KCNT2: variants seen among roughly 807,000 people sequenced by gnomAD.
KCNT2 encodes the protein potassium sodium-activated channel subfamily T member 2, also known as potassium channel subfamily T member 2.
In KCNT2, 67 loss-of-function variants were observed where a neutral mutation model predicts 153.8. The observed-to-expected ratio is 0.44, with a 90% confidence interval of 0.36 to 0.53. The LOEUF (loss-of-function observed/expected upper bound fraction) is 0.53, where lower values mean the gene tolerates loss of function less well. Ranked by LOEUF, KCNT2 falls within the 20% of genes least tolerant of loss-of-function variation. KCNT2 has a pLI of 0.00. For missense variants in KCNT2, 975 were observed against 1,354.8 expected (o/e 0.72, Z 4.40); for synonymous variants, 500 against 458.8 (o/e 1.09, Z -1.15).
At chr1:196,483,440 C>T (rs1679171540) in intron 3 of KCNT2, among the ~76,000 whole-genome samples, 1 of 152,190 alleles carries the variant, frequency 6.6e-6, no homozygotes, top group African/African-American at 2.4e-5. Context: ...CGCAAATACA[C>T]TGATTCTTTC....
intron 1 of KCNT2, among the ~76,000 whole-genome samples, chr1:196,583,730 A>T (rs900857971): frequency 6.6e-6 from 1 of 151,998 alleles, no homozygotes; most frequent in Non-Finnish European, 1.5e-5. Context: ...AAAATTGTTC[A>T]TTGGACCTGG....
At chr1:196,381,677 T>C (rs74136531) in intron 13 of KCNT2, among the ~76,000 whole-genome samples, 3,040 of 152,248 alleles carry the variant, frequency 0.02, 92 homozygotes, top group African/African-American at 0.069. Flanking sequence ...TGTAGCAGTG[T>C]TTCCCTCTGT....
chr1:196,405,836 A>G (rs1168974911), intron 12 of KCNT2, among the ~76,000 whole-genome samples: 1 of 151,590 alleles, frequency 6.6e-6, no homozygotes, highest in African/African-American at 2.4e-5. Flanking sequence ...GAATTGTAAA[A>G]CTTAAAATAA....
In KCNT2 at chr1:196,228,086, A is replaced by G. The variant is rs1167406658; in HGVS notation, c.*138T>C. The G allele has an allele frequency of 1.3e-5, 8 of 596,060 alleles. No homozygotes were observed. The highest frequency in any genetic ancestry group is 1.8e-5 in the Non-Finnish European group (6 of 334,510). The allele number at this position is 596,060 out of a possible 1,614,324, so 36.9% of individuals were successfully genotyped here. The stretch of plus-strand genomic sequence containing the variant: ...AGTACATTAAGTTTCAAAATGATCT[A>G]TACTTCTAAGAGAAGAGATTACGTT... On this transcript the variant is annotated 3_prime_UTR_variant, in exon 28 of 28. Transcript: ENST00000294725.
chr1:196,320,882 C>CT (rs916698502), intron 19 of KCNT2, among the ~76,000 whole-genome samples: 5 of 151,450 alleles, frequency 3.3e-5, no homozygotes, highest in Non-Finnish European at 7.4e-5. Flanking sequence ...GTTATTTTCA[C>CT]TTTTTTCTGT....
chr1:196,430,169 A>C (rs1674011356), intron 8 of KCNT2, among the ~76,000 whole-genome samples: 1 of 151,800 alleles, frequency 6.6e-6, no homozygotes, highest in African/African-American at 2.4e-5. Context: ...ATTTAGGAAG[A>C]AGAGAAAGAC....
chr1:196,296,024 C>T (rs1215672529), intron 22 of KCNT2, among the ~76,000 whole-genome samples: 1 of 151,936 alleles, frequency 6.6e-6, no homozygotes, highest in African/African-American at 2.4e-5. Context: ...CCATATGTTA[C>T]ACTTCTAAAA....
chr1:196,450,320 A>G (rs563560901), intron 8 of KCNT2, among the ~76,000 whole-genome samples: 42 of 151,970 alleles, frequency 2.8e-4, no homozygotes, highest in African/African-American at 8.9e-4. Context: ...TAATCCTGTG[A>G]TTTTAGTGAT....
At chr1:196,263,362 C>A (rs1054707229) in intron 25 of KCNT2, among the ~76,000 whole-genome samples, 9 of 152,004 alleles carry the variant, frequency 5.9e-5, no homozygotes, top group African/African-American at 2.2e-4. Context: ...TGGAAACCAT[C>A]ATTTTCAGCA....
chr1:196,484,401 C>G (rs1439901673), intron 3 of KCNT2, among the ~76,000 whole-genome samples: 2 of 150,694 alleles, frequency 1.3e-5, no homozygotes, highest in Non-Finnish European at 3.0e-5. Context: ...TGTTTTAGTT[C>G]CTTGTAAATT....
At chr1:196,444,903 C>T (rs1459026670) in intron 8 of KCNT2, among the ~76,000 whole-genome samples, 2 of 151,278 alleles carry the variant, frequency 1.3e-5, no homozygotes, top group African/African-American at 4.8e-5. Flanking sequence ...CACTTTAATA[C>T]TGCCCATGAA....
chr1:196,342,427 T>TAC (rs1433398808), intron 14 of KCNT2, among the ~76,000 whole-genome samples, 199 bp from the exon 15 acceptor site: 2 of 116,102 alleles, frequency 1.7e-5, no homozygotes, highest in Admixed American at 8.8e-5. Context: ...ATACTATATA[T>TAC]ATATATATAT....
chr1:196,433,294 G>GTAAA (rs570721265), intron 8 of KCNT2, among the ~76,000 whole-genome samples: 152 of 151,974 alleles, frequency 1.0e-3, no homozygotes, highest in African/African-American at 3.4e-3. Context: ...ATACTACTCA[G>GTAAA]TAAATAAATA....
At chr1:196,344,912 G>T (rs1193757369) in intron 14 of KCNT2, among the ~76,000 whole-genome samples, 1 of 151,770 alleles carries the variant, frequency 6.6e-6, no homozygotes, top group African/African-American at 2.4e-5. Flanking sequence ...ACCTCTAATA[G>T]TTAACCTGGA....
intron 13 of KCNT2, among the ~76,000 whole-genome samples, chr1:196,386,872 G>T (rs1192692340): frequency 6.6e-6 from 1 of 151,986 alleles, no homozygotes; most frequent in Admixed American, 6.6e-5. Flanking sequence ...AATATTAAGT[G>T]AGATCGATCA....
At chr1:196,405,788 C>A (rs141478262) in intron 12 of KCNT2, among the ~76,000 whole-genome samples, 1 of 151,514 alleles carries the variant, frequency 6.6e-6, no homozygotes, top group African/African-American at 2.4e-5. Context: ...TCATTGGACA[C>A]TTTATTTTTT....
intron 1 of KCNT2, among the ~76,000 whole-genome samples, chr1:196,494,578 C>T (rs934374039): frequency 1.3e-5 from 2 of 152,020 alleles, no homozygotes; most frequent in East Asian, 1.9e-4. Context: ...AGGATGGTCT[C>T]AATTTCCTGA....
chr1:196,273,594 A>G, intron 25 of KCNT2: 2 of 720,886 alleles, frequency 2.8e-6, no homozygotes, highest in Middle Eastern at 2.4e-4. Flanking sequence ...TGTAACATAT[A>G]CCCACATAAC....
chr1:196,317,448 GAGTT>G (rs755708479), intron 20 of KCNT2, among the ~76,000 whole-genome samples: 8 of 151,526 alleles, frequency 5.3e-5, no homozygotes, highest in Non-Finnish European at 7.4e-5. Flanking sequence ...AAAAAAGAAA[GAGTT>G]AGATGGAAAA....
Sources: allele counts gnomAD v4.1 joint callset (sites outside exome capture counted in the v4.1 genomes callset), GRCh38; gene constraint gnomAD v4.1.1; transcripts MANE v1.5; gene names NCBI Gene and HGNC (gene_info 2026-07-23, HGNC 2026-07-21).